Variants in STXBP5L observed in about 807,000 individuals in gnomAD.
STXBP5L encodes the protein syntaxin-binding protein 5-like.
In STXBP5L, 65 loss-of-function variants were observed where a neutral mutation model predicts 144.5. That is an observed-to-expected ratio of 0.45 (90% CI 0.37 to 0.55). The LOEUF (loss-of-function observed/expected upper bound fraction) is 0.55, where lower values mean the gene tolerates loss of function less well. STXBP5L is among the 20% of genes least tolerant of loss of function. The pLI, the probability that STXBP5L is intolerant of heterozygous loss-of-function variation, is 0.00. For missense variants in STXBP5L, 1,298 were observed against 1,405.5 expected (o/e 0.92, Z 1.22); for synonymous variants, 505 against 469.6 (o/e 1.08, Z -0.97).
chr3:120,974,102 C>A (rs1204524052), intron 3 of STXBP5L, among the ~76,000 whole-genome samples: 1 of 152,188 alleles, frequency 6.6e-6, no homozygotes, highest in East Asian at 1.9e-4. Context: ...TTCTAGATCC[C>A]TGAGGAATCA....
At chr3:121,055,506 CTATTATTGGAGTAT>C (rs559957173) in intron 5 of STXBP5L, among the ~76,000 whole-genome samples, 1 of 151,976 alleles carries the variant, frequency 6.6e-6, no homozygotes, top group Non-Finnish European at 1.5e-5. Context: ...ATTATTATTA[CTATTATTGGAGTAT>C]TATTATTGGA....
At chr3:121,360,016 A>ATATATATATTATTACTATATAATATAG in intron 20 of STXBP5L, among the ~76,000 whole-genome samples, 1 of 144,876 alleles carries the variant, frequency 6.9e-6, no homozygotes, top group Non-Finnish European at 1.5e-5. Flanking sequence ...ATATAATATA[A>ATATATATATTATTACTATATAATATAG]TATATATATT....
intron 22 of STXBP5L, among the ~76,000 whole-genome samples, chr3:121,388,397 C>G (rs2046484277): frequency 6.6e-6 from 1 of 152,168 alleles, no homozygotes; most frequent in African/African-American, 2.4e-5. Flanking sequence ...ATTTCTTTCT[C>G]TTGCCGGATT....
At chr3:121,189,021 C>T (rs576452579) in intron 9 of STXBP5L, among the ~76,000 whole-genome samples, 2 of 152,256 alleles carry the variant, frequency 1.3e-5, no homozygotes, top group South Asian at 4.2e-4. Context: ...GTCAAATTGT[C>T]CCAGTTTGCA....
intron 9 of STXBP5L, among the ~76,000 whole-genome samples, chr3:121,201,678 GCTTC>G (rs1209409191): frequency 1.3e-5 from 2 of 150,706 alleles, no homozygotes; most frequent in Non-Finnish European, 3.0e-5. Context: ...CATATTTAGT[GCTTC>G]CTTCAGGAGC....
At chr3:120,958,522 C>T (rs942219281) in intron 3 of STXBP5L, among the ~76,000 whole-genome samples, 4 of 132,186 alleles carry the variant, frequency 3.0e-5, no homozygotes, top group African/African-American at 1.1e-4. Context: ...TAATACAAAC[C>T]GAATCCAGCA....
intron 3 of STXBP5L, among the ~76,000 whole-genome samples, chr3:120,960,402 T>C (rs557138562): frequency 6.6e-6 from 1 of 152,306 alleles, no homozygotes; most frequent in East Asian, 1.9e-4. Flanking sequence ...AGCCATCCCA[T>C]TACGGGGTAT....
chr3:121,024,439 C>T (rs1300915015), intron 3 of STXBP5L, among the ~76,000 whole-genome samples: 1 of 152,114 alleles, frequency 6.6e-6, no homozygotes, highest in Non-Finnish European at 1.5e-5. Flanking sequence ...TCTGGTTGAG[C>T]ATTGAGATAT....
Position 121,157,491 on chromosome 3 carries a change from GTTATT to G in STXBP5L, c.754-7_754-3del. 1 of 1,559,246 alleles carries G rather than the reference GTTATT, an allele frequency of 6.4e-7. No homozygotes were observed. Among genetic ancestry groups the G allele is most frequent in the South Asian group, 1.2e-5 (1 of 81,238 alleles). On this transcript the variant is annotated splice_region_variant and splice_polypyrimidine_tract_variant and intron_variant, in intron 8 of 26. Coordinates refer to ENST00000471454, the MANE Select transcript of STXBP5L (RefSeq NM_001308330.2). The stretch of plus-strand genomic sequence containing the variant: ...TTTTCCCCCTCTACTTGTTTTAATT[GTTATT>G]TTATTAGGCTATTCATTCAATTGAT...
At chr3:121,221,962 C>T (rs188818476) in intron 10 of STXBP5L, among the ~76,000 whole-genome samples, 5 of 151,602 alleles carry the variant, frequency 3.3e-5, no homozygotes, top group African/African-American at 2.4e-5. Context: ...CAGTACAAAA[C>T]GGAAGAGAAA....
intron 23 of STXBP5L, among the ~76,000 whole-genome samples, chr3:121,408,745 G>A (rs1002653649): frequency 1.3e-5 from 2 of 151,970 alleles, no homozygotes; most frequent in Non-Finnish European, 2.9e-5. Flanking sequence ...TACACAGGGA[G>A]GGAGAAGTTG....
At chr3:120,975,824 C>A (rs1021647692) in intron 3 of STXBP5L, among the ~76,000 whole-genome samples, 10 of 152,014 alleles carry the variant, frequency 6.6e-5, no homozygotes, top group African/African-American at 2.4e-4. Context: ...GTCTTTGGTT[C>A]TGTTTATATG....
rs140765289 is a variant in STXBP5L, at chr3:121,128,914, A to C, written c.669+7210A>C. 3.0e-3 allele frequency among the ~76,000 whole-genome samples: 463 copies of C among 152,216 alleles called. 3 individuals carry two copies. Among genetic ancestry groups the C allele is most frequent in the African/African-American group, 0.01 (432 of 41,564 alleles). On this transcript the variant is annotated intron_variant, in intron 7 of 26. Coordinates refer to ENST00000471454, the MANE Select transcript of STXBP5L (RefSeq NM_001308330.2). The stretch of plus-strand genomic sequence containing the variant: ...TAGTTGTCACTGAAAAAGAATCCTG[A>C]AATGCTCTAATAAGTACATATAGTA...
chr3:121,257,802 G>C (rs1327946292), intron 17 of STXBP5L, among the ~76,000 whole-genome samples: 1 of 152,138 alleles, frequency 6.6e-6, no homozygotes. Flanking sequence ...GTACACACCT[G>C]TAGCTCCAGC....
intron 5 of STXBP5L, among the ~76,000 whole-genome samples, chr3:121,056,016 G>T (rs1190964972): frequency 6.6e-6 from 1 of 151,860 alleles, no homozygotes; most frequent in Non-Finnish European, 1.5e-5. Context: ...TGTTGCCTAG[G>T]CTAGACTTGA....
intron 2 of STXBP5L, among the ~76,000 whole-genome samples, chr3:120,915,530 A>G (rs992536217): frequency 1.3e-5 from 2 of 151,774 alleles, no homozygotes; most frequent in Admixed American, 6.6e-5. Context: ...GTTCCTACTT[A>G]AGTATCAAAA....
chr3:121,320,865 G>T (rs1408296839), intron 20 of STXBP5L, among the ~76,000 whole-genome samples: 4 of 151,756 alleles, frequency 2.6e-5, no homozygotes, highest in Non-Finnish European at 5.9e-5. Context: ...ACACCCAGCT[G>T]ATTTTTTGTA....
rs374068744 is a variant in STXBP5L, at chr3:121,098,023, TG to T, written c.471-16901del. On this transcript the variant is annotated intron_variant, in intron 5 of 26. Transcript: ENST00000471454. ...TTCAATCATATACTTTAGCAGTTGA[TG>T]TTTTTTAAATGAAAATGCAGAATTT... Among the ~76,000 whole-genome samples, 392 of 152,326 alleles carry T rather than the reference TG, an allele frequency of 2.6e-3. 2 individuals carry two copies. Among genetic ancestry groups the T allele is most frequent in the South Asian group, 0.026 (124 of 4,830 alleles).
intron 2 of STXBP5L, among the ~76,000 whole-genome samples, chr3:120,951,791 C>T (rs1459983154): frequency 6.6e-6 from 1 of 152,076 alleles, no homozygotes; most frequent in Non-Finnish European, 1.5e-5. Flanking sequence ...TTGACCCAGC[C>T]ATCCCATTAC....
Sources: allele counts gnomAD v4.1 joint callset (sites outside exome capture counted in the v4.1 genomes callset), GRCh38; gene constraint gnomAD v4.1.1; transcripts MANE v1.5; gene names NCBI Gene and HGNC (gene_info 2026-07-23, HGNC 2026-07-21).